BRINP1: variants seen among roughly 807,000 people sequenced by gnomAD.
BRINP1 encodes the protein BMP/retinoic acid-inducible neural-specific protein 1.
In BRINP1, 17 loss-of-function variants were observed where a neutral mutation model predicts 72.9. The observed-to-expected ratio is 0.23, with a 90% confidence interval of 0.16 to 0.35. The LOEUF is 0.35. Ranked by LOEUF, BRINP1 falls within the 10% of genes least tolerant of loss-of-function variation. The pLI, the probability that BRINP1 is intolerant of heterozygous loss-of-function variation, is 1.00. For missense variants in BRINP1, 850 were observed against 1,001.6 expected (o/e 0.85, Z 2.04); for synonymous variants, 418 against 378.5 (o/e 1.10, Z -1.21).
intron 1 of BRINP1, among the ~76,000 whole-genome samples, chr9:119,353,617 C>T (rs1467109526): frequency 6.6e-6 from 1 of 151,948 alleles, no homozygotes; most frequent in Non-Finnish European, 1.5e-5. Context: ...AGAGGAGGCC[C>T]ACATTTTCTG....
intron 7 of BRINP1, among the ~76,000 whole-genome samples, chr9:119,174,796 G>T (rs1363331272): frequency 6.6e-6 from 1 of 151,596 alleles, no homozygotes; most frequent in Non-Finnish European, 1.5e-5. Flanking sequence ...CATAAAAAAT[G>T]ATGAGTTCAT....
intron 7 of BRINP1, among the ~76,000 whole-genome samples, chr9:119,203,704 A>C (rs1351410324): frequency 6.6e-6 from 1 of 152,142 alleles, no homozygotes; most frequent in East Asian, 1.9e-4. Context: ...AGGCAGTCTA[A>C]CTCCAGAATC....
intron 1 of BRINP1, among the ~76,000 whole-genome samples, chr9:119,328,559 G>A (rs1229641407): frequency 1.3e-5 from 2 of 152,172 alleles, no homozygotes; most frequent in African/African-American, 4.8e-5. Flanking sequence ...TATTGAGAGA[G>A]TGGAATGGAG....
In BRINP1 at chr9:119,167,403, T is replaced by TGCACGTCTGAGATCTTGA; in HGVS notation, c.1949_1966dup (p.Val655_Gln656insLeuLysIleSerAspVal). 2 of 1,614,054 alleles carry TGCACGTCTGAGATCTTGA rather than the reference T, an allele frequency of 1.2e-6. No homozygotes were observed. Among genetic ancestry groups the TGCACGTCTGAGATCTTGA allele is most frequent in the Non-Finnish European group, 1.7e-6 (2 of 1,179,970 alleles). ...GAACCTCAGGCTATACCCAAACACC[T>TGCACGTCTGAGATCTTGA]GCACGTCTGAGATCTTGATGTAGAA... On this transcript the variant is annotated inframe_insertion, in exon 8 of 8. Transcript: ENST00000265922. This position sits in a 1 kb window ranked among gnomAD's most constrained non-coding sequence, Gnocchi z 4.3.
chr9:119,219,697 A>AGAGAGAGAGAGAGAGAG (rs1830019199), intron 5 of BRINP1, among the ~76,000 whole-genome samples: 1 of 96,402 alleles, frequency 1.0e-5, no homozygotes, highest in African/African-American at 3.6e-5. Flanking sequence ...GAGAGAGAGA[A>AGAGAGAGAGAGAGAGAG]AGAGATGTAA....
intron 1 of BRINP1, among the ~76,000 whole-genome samples, chr9:119,316,066 G>C (rs1037216525): frequency 6.6e-6 from 1 of 152,176 alleles, no homozygotes; most frequent in African/African-American, 2.4e-5. Flanking sequence ...TATTGATGAA[G>C]ATGGCTACCC....
In BRINP1 at chr9:119,311,751, A is replaced by AC. The variant is rs774870200; in HGVS notation, c.218+1386dup. On this transcript the variant is annotated intron_variant, in intron 2 of 7. Transcript: ENST00000265922. ...TTTACTTCTCAACATGTCTAAAACAACCCCCCAGATGTTTACAAATGATTG... is the reference window on the plus strand; with the variant it reads ...TTTACTTCTCAACATGTCTAAAACAACCCCCCCAGATGTTTACAAATGATTG... Among the ~76,000 whole-genome samples, 6 of 152,172 alleles carry AC rather than the reference A, an allele frequency of 3.9e-5. No homozygotes were observed. In the East Asian group the frequency reaches 1.2e-3, roughly 29 times the overall value.
chr9:119,216,945 A>T (rs551457302), intron 5 of BRINP1, among the ~76,000 whole-genome samples: 7 of 152,366 alleles, frequency 4.6e-5, no homozygotes, highest in African/African-American at 1.7e-4. Flanking sequence ...TGCTCTTTAA[A>T]AATGGAAACT....
intron 1 of BRINP1, among the ~76,000 whole-genome samples, chr9:119,314,575 A>G (rs1831106618): frequency 6.6e-6 from 1 of 152,186 alleles, no homozygotes; most frequent in African/African-American, 2.4e-5. Context: ...TATGTTGGCC[A>G]GGCTGGTCTC....
intron 2 of BRINP1, among the ~76,000 whole-genome samples, chr9:119,293,585 CT>C (rs1490659600): frequency 6.6e-5 from 10 of 152,180 alleles, no homozygotes; most frequent in African/African-American, 2.4e-4. Flanking sequence ...TGCTTCATCA[CT>C]TACCAGGTAT....
At chr9:119,262,407 G>A (rs1437702330) in intron 2 of BRINP1, among the ~76,000 whole-genome samples, 1 of 152,042 alleles carries the variant, frequency 6.6e-6, no homozygotes, top group Non-Finnish European at 1.5e-5. Context: ...GTCGAGGCGG[G>A]CGGGTCATGA....
chr9:119,209,302 G>C (rs924463469), intron 6 of BRINP1, among the ~76,000 whole-genome samples: 7 of 152,230 alleles, frequency 4.6e-5, no homozygotes, highest in Non-Finnish European at 5.9e-5. Context: ...GTTGGGTGCA[G>C]TGGCTCACAC....
chr9:119,230,023 T>C (rs1370424933), intron 5 of BRINP1, among the ~76,000 whole-genome samples: 1 of 151,958 alleles, frequency 6.6e-6, no homozygotes, highest in East Asian at 1.9e-4. Flanking sequence ...GAGAAGAAGT[T>C]GTGCAGACCA....
Position 119,200,636 on chromosome 9 carries a change from G to GAA in BRINP1, c.1145+8081_1145+8082dup, listed in dbSNP as rs774466695. Among the ~76,000 whole-genome samples the GAA allele has an allele frequency of 5.4e-3, 658 of 121,184 alleles. 4 individuals carry two copies. The highest frequency in any genetic ancestry group is 0.015 in the African/African-American group (515 of 33,610). The allele number at this position is 121,184 out of a possible 152,430, so 79.5% of individuals were successfully genotyped here. On this transcript the variant is annotated intron_variant, in intron 7 of 7. Coordinates refer to ENST00000265922, the MANE Select transcript of BRINP1 (RefSeq NM_014618.3). ...AGGACTCTGCCTCAAGAAAAAAAAAGAAAAAAAAAAAAAAGAAAGAAAAGA... is the reference window on the plus strand; with the variant it reads ...AGGACTCTGCCTCAAGAAAAAAAAAGAAAAAAAAAAAAAAAAGAAAGAAAAGA...
At chr9:119,348,981 C>A (rs1478976481) in intron 1 of BRINP1, among the ~76,000 whole-genome samples, 1 of 152,136 alleles carries the variant, frequency 6.6e-6, no homozygotes, top group East Asian at 1.9e-4. Context: ...ATCCTGACAA[C>A]CTCCTGGGGC....
intron 7 of BRINP1, among the ~76,000 whole-genome samples, chr9:119,182,827 A>G (rs1227193766): frequency 1.3e-5 from 2 of 152,248 alleles, no homozygotes; most frequent in African/African-American, 4.8e-5. Flanking sequence ...AGCAAAATTC[A>G]GATAACCAAA....
At chr9:119,325,651 G>A (rs908251668) in intron 1 of BRINP1, among the ~76,000 whole-genome samples, 1 of 152,104 alleles carries the variant, frequency 6.6e-6, no homozygotes, top group Non-Finnish European at 1.5e-5. Context: ...TCTTCCTACT[G>A]GTCGTCTTGC....
At chr9:119,263,798 C>G (rs893609503) in intron 2 of BRINP1, among the ~76,000 whole-genome samples, 3 of 151,634 alleles carry the variant, frequency 2.0e-5, no homozygotes, top group African/African-American at 7.3e-5. Context: ...TTAGTAGAGA[C>G]GGGGTTTCAC....
At chr9:119,205,526 G>A (rs987719498) in intron 7 of BRINP1, among the ~76,000 whole-genome samples, 2 of 152,162 alleles carry the variant, frequency 1.3e-5, no homozygotes, top group African/African-American at 2.4e-5. Flanking sequence ...CACTGAGCAT[G>A]GTGAAGTGAC....
Sources: allele counts gnomAD v4.1 joint callset (sites outside exome capture counted in the v4.1 genomes callset), GRCh38; gene constraint gnomAD v4.1.1; non-coding constraint Gnocchi (gnomAD v3.1); transcripts MANE v1.5; gene names NCBI Gene and HGNC (gene_info 2026-07-23, HGNC 2026-07-21).